The following LCN8 variants were observed in gnomAD, a reference collection of about 807,000 sequenced individuals.
LCN8 encodes lipocalin 8, also known as epididymal-specific lipocalin-8.
In LCN8, 16 loss-of-function variants were observed where a neutral mutation model predicts 22.8. The observed-to-expected ratio is 0.70, with a 90% CI of 0.47 to 1.06. The LOEUF (loss-of-function observed/expected upper bound fraction) is 1.06. Among genes scored for constraint, LCN8 ranks in the 50% least tolerant of loss-of-function variants. The probability of loss-of-function intolerance (pLI) is 0.00; values close to 1 mark genes in which losing one functional copy is unlikely to be tolerated. For missense variants in LCN8, 189 were observed against 203.3 expected, an observed-to-expected ratio of 0.93 and a Z score of 0.43; for synonymous variants, 92 against 83.4, an observed-to-expected ratio of 1.10 and a Z score of -0.56.
Position 136,758,020 on chromosome 9 carries a change from T to C in LCN8, c.-90A>G. Reference sequence around the variant, plus strand: ...TCCGTGGCGGGGTCCGGGCTCCGGGTTCCCCTGCTGCACAGCCTGGGCCGA... The same window carrying C: ...TCCGTGGCGGGGTCCGGGCTCCGGGCTCCCCTGCTGCACAGCCTGGGCCGA... On this transcript the variant is annotated 5_prime_UTR_variant, in exon 1 of 7. Coordinates refer to ENST00000371688, the MANE Select transcript of LCN8 (RefSeq NM_178469.4). 6.4e-7 allele frequency: 1 copy of C among 1,564,726 alleles called. No individual in the cohort carries two copies. Among genetic ancestry groups the C allele is most frequent in the Non-Finnish European group, 8.6e-7 (1 of 1,156,150 alleles).
At chr9:136,756,983 C>T in intron 2 of LCN8, 55 bp downstream of exon 2, 2 of 1,587,688 alleles carry the variant, frequency 1.3e-6, no homozygotes, top group Non-Finnish European at 1.7e-6. Flanking sequence ...GCAACCCACG[C>T]CCAGTCCCCG....
rs201406650 is a variant in LCN8 at position 136,755,255 on chromosome 9, G to A, written c.410C>T (p.Ala137Val). 7.4e-6 allele frequency: 12 copies of A among 1,612,476 alleles called. No homozygotes were observed. The highest frequency in any genetic ancestry group is 2.2e-5 in the East Asian group (1 of 44,874). The change falls in exon 5 of 7, where the codon GCG becomes GTG. Residue 137 changes from alanine to valine, a missense_variant. By Grantham distance (64) the Ala-to-Val change is moderately conservative. Transcript: ENST00000371688. ...ELTADTGLYL[A>V]ARPGRCAELL... The stretch of plus-strand genomic sequence containing the variant: ...GCCCCTGGGCTCACCAGGCCGGGCC[G>A]CCAGGTAGAGACCAGTGTCTGCTGT...
intron 6 of LCN8, chr9:136,754,865 C>G (rs1300955738): frequency 1.5e-6 from 2 of 1,360,778 alleles, no homozygotes; most frequent in African/African-American, 2.9e-5. Flanking sequence ...CTGCCCCACC[C>G]AGCTCTGCAC....
Position 136,756,425 on chromosome 9 carries a change from G to T in LCN8, c.226+97C>A, listed in dbSNP as rs756233087. 2.5e-6 allele frequency: 4 copies of T among 1,610,910 alleles called. No individual in the cohort carries two copies. In the South Asian group the frequency reaches 4.4e-5, roughly 18 times the overall value. On this transcript the variant is annotated intron_variant, in intron 3 of 6. Coordinates refer to ENST00000371688, the MANE Select transcript of LCN8 (RefSeq NM_178469.4). The stretch of plus-strand genomic sequence containing the variant: ...AGCACAGAGAACAGTGCAGGGAACA[G>T]CATGGGGAACAGTGCAGGGAACAGC...
chr9:136,755,329 C>T lies in LCN8; in HGVS notation c.336G>A (p.Arg112=), dbSNP rs375145790. 2 of 1,609,970 alleles carry T rather than the reference C, an allele frequency of 1.2e-6. No homozygotes were observed. Among genetic ancestry groups the T allele is most frequent in the African/African-American group, 2.7e-5 (2 of 75,072 alleles). The change falls in exon 5 of 7, where the codon CGG becomes CGA. Residue 112 remains arginine (R), a synonymous_variant. Transcript: ENST00000371688. ...CCAGCCGGTCCTTGTCCTCAAGGCT[C>T]CGAGCTGTGGGGCACAGGGGGGCTG... is the stretch of plus-strand genomic sequence containing the variant. ...RNFRVLKYFT[R]SLEDKDRLGF... is the part of the protein sequence containing the mutation.
In LCN8 at chr9:136,755,989, G is replaced by A. The variant is rs559969407; in HGVS notation, c.227-473C>T. 1,811 of 1,296,372 alleles carry A rather than the reference G, an allele frequency of 1.4e-3. 54 individuals carry two copies. The South Asian group carries it at 0.022, about 16-fold the overall frequency. The allele number at this position is 1,296,372 out of a possible 1,614,324, so 80.3% of individuals were successfully genotyped here. On this transcript the variant is annotated intron_variant, in intron 3 of 6. Coordinates refer to ENST00000371688, the MANE Select transcript of LCN8 (RefSeq NM_178469.4). ...GGGAATGCATGGGGAACGGCACAGA[G>A]AAAAGTGCAGGGAACAGCATGGGGA...
chr9:136,755,032 C>G, intron 6 of LCN8, 103 bp downstream of exon 6: 3 of 1,443,926 alleles, frequency 2.1e-6, no homozygotes, highest in Non-Finnish European at 2.7e-6. Context: ...GAAGGCCCAG[C>G]CCAGGGCCGG....
intron 6 of LCN8, 80 bp from the exon 7 acceptor site, chr9:136,754,589 G>A: frequency 5.3e-6 from 8 of 1,515,308 alleles, no homozygotes; most frequent in Non-Finnish European, 7.1e-6. Flanking sequence ...CCACACGGCG[G>A]GACTTCTGTC....
At chr9:136,755,561 C>G (rs755869631) in intron 3 of LCN8, 45 bp from the exon 4 acceptor site, 1 of 1,579,502 alleles carries the variant, frequency 6.3e-7, no homozygotes, top group East Asian at 2.3e-5. Flanking sequence ...CTGAGGGGGA[C>G]GGACCTCGAA....
chr9:136,754,437 G>T lies in LCN8; in HGVS notation c.*61C>A. The T allele has an allele frequency of 6.9e-7, 1 of 1,454,196 alleles. No individual in the cohort carries two copies. The allele number at this position is 1,454,196 out of a possible 1,614,324, so 90.1% of individuals were successfully genotyped here. On this transcript the variant is annotated 3_prime_UTR_variant, in exon 7 of 7. Transcript: ENST00000371688. ...GTGCAGGTGACCTGGTGGGCAGGGT[G>T]CCCAGGAGGGGCAGGGGTGGGCGGG...
chr9:136,757,670 C>A, intron 1 of LCN8: 1 of 1,434,282 alleles, frequency 7.0e-7, no homozygotes, highest in Non-Finnish European at 9.1e-7. Context: ...AAAAACCCTA[C>A]CATTTTCGGG....
chr9:136,756,242 A>T, intron 3 of LCN8: 1 of 1,361,466 alleles, frequency 7.3e-7, no homozygotes, highest in Non-Finnish European at 9.8e-7. Flanking sequence ...CAGTGCAGGG[A>T]ACGCATGGGG....
chr9:136,755,305 C>T lies in LCN8; in HGVS notation c.360G>A (p.Leu120=), dbSNP rs1847158052. 1 of 1,610,580 alleles carries T rather than the reference C, an allele frequency of 6.2e-7. No individual in the cohort carries two copies. Among genetic ancestry groups the T allele is most frequent in the Non-Finnish European group, 8.5e-7 (1 of 1,180,008 alleles). The change falls in exon 5 of 7, where the codon CTG becomes CTA. Residue 120 remains leucine, a synonymous_variant. Transcript: ENST00000371688. ...TCAGCTCCCGAAACTTCCAGAACCC[C>T]AGCCGGTCCTTGTCCTCAAGGCTCC... ...FTRSLEDKDR[L]GFWKFRELTA...
At chr9:136,757,578 C>T (rs1404226139) in intron 1 of LCN8, 10 of 1,389,890 alleles carry the variant, frequency 7.2e-6, no homozygotes, top group South Asian at 6.4e-5. Context: ...TAGCGCAGCT[C>T]GCCAGCCTGC....
chr9:136,756,329 G>A lies in LCN8; in HGVS notation c.226+193C>T, dbSNP rs754810524. 5 of 1,542,494 alleles carry A rather than the reference G, an allele frequency of 3.2e-6. No homozygotes were observed. The East Asian group carries it at 9.8e-5, about 30-fold the overall frequency. On this transcript the variant is annotated intron_variant, in intron 3 of 6. Coordinates refer to ENST00000371688, the MANE Select transcript of LCN8 (RefSeq NM_178469.4). The stretch of plus-strand genomic sequence containing the variant: ...AGCATGTGGAACAGTGCAGGGAGCA[G>A]TGCAGGGAACAACATGGGGAACAGC...
At position 136,758,006 on chromosome 9, in the gene LCN8, G is replaced by T; in HGVS notation, c.-76C>A. ...ACGGCAGCCTGGCCTCCGTGGCGGGGTCCGGGCTCCGGGTTCCCCTGCTGC... is the reference window on the plus strand; with the variant it reads ...ACGGCAGCCTGGCCTCCGTGGCGGGTTCCGGGCTCCGGGTTCCCCTGCTGC... On this transcript the variant is annotated 5_prime_UTR_variant, in exon 1 of 7. Coordinates refer to ENST00000371688, the MANE Select transcript of LCN8 (RefSeq NM_178469.4). The T allele has an allele frequency of 6.3e-7, 1 of 1,588,310 alleles. No homozygotes were observed. Among genetic ancestry groups the T allele is most frequent in the Non-Finnish European group, 8.6e-7 (1 of 1,169,160 alleles).
upstream of LCN8, chr9:136,758,490 G>C (rs933167371): frequency 2.0e-6 from 2 of 991,938 alleles, no homozygotes; most frequent in African/African-American, 3.5e-5. Context: ...GAGGCACAGC[G>C]CCAGCGACCA....
At chr9:136,757,258 G>C (rs1847231756) in intron 1 of LCN8, 90 bp from the exon 2 acceptor site, 3 of 1,529,550 alleles carry the variant, frequency 2.0e-6, no homozygotes, top group Admixed American at 4.1e-5. Flanking sequence ...GGGCCTGCTG[G>C]GCTCTGAGAG....
Position 136,758,046 on chromosome 9 carries a change from T to C in LCN8, c.-116A>G. ...TCCCCTGCTGCACAGCCTGGGCCGA[T>C]TCTATACGGACAGTGCAGGCTTGTG... On this transcript the variant is annotated 5_prime_UTR_variant, in exon 1 of 7. Transcript: ENST00000371688. 1 of 1,546,576 alleles carries C rather than the reference T, an allele frequency of 6.5e-7. No homozygotes were observed. The highest frequency in any genetic ancestry group is 8.7e-7 in the Non-Finnish European group (1 of 1,148,248).
Sources: allele counts gnomAD v4.1 joint callset, GRCh38; gene constraint gnomAD v4.1.1; transcripts MANE v1.5; gene names NCBI Gene and HGNC (gene_info 2026-07-23, HGNC 2026-07-21).